The following DOCK3 variants were observed in gnomAD, a reference collection of about 807,000 sequenced individuals.
The protein encoded by DOCK3 is dedicator of cytokinesis 3, also known as dedicator of cytokinesis protein 3.
Under a neutral mutation model 265.6 loss-of-function variants are expected in DOCK3, and 60 were observed. The ratio of observed to expected loss-of-function variants is 0.23; its 90% CI spans 0.18 to 0.28. The LOEUF (loss-of-function observed/expected upper bound fraction) is 0.28. Ranked by LOEUF, DOCK3 falls within the 10% of genes least tolerant of loss-of-function variation. The probability of loss-of-function intolerance (pLI) is 1.00; values close to 1 mark genes in which losing one functional copy is unlikely to be tolerated. For missense variants in DOCK3, 1,981 were observed against 2,594.3 expected (o/e 0.76, Z 5.14); for synonymous variants, 881 against 938.0 (o/e 0.94, Z 1.11).
intron 1 of DOCK3, among the ~76,000 whole-genome samples, chr3:50,701,613 G>A (rs542684677): frequency 2.0e-5 from 3 of 152,014 alleles, no homozygotes; most frequent in Non-Finnish European, 2.9e-5. Flanking sequence ...GTCTATTTTT[G>A]TTTTTGTTGC....
intron 5 of DOCK3, among the ~76,000 whole-genome samples, chr3:51,027,398 A>G (rs564502009): frequency 2.4e-4 from 36 of 151,854 alleles, no homozygotes; most frequent in Admixed American, 7.2e-4. Flanking sequence ...AGTATGTTCT[A>G]TGTATAGATG....
At chr3:51,314,513 A>T (rs780914966) in intron 31 of DOCK3, among the ~76,000 whole-genome samples, 4 of 152,260 alleles carry the variant, frequency 2.6e-5, no homozygotes, top group African/African-American at 4.8e-5. Context: ...TCTGGTGGCT[A>T]GACCAGGGAC....
chr3:51,122,185 A>G (rs904306111), intron 9 of DOCK3, among the ~76,000 whole-genome samples: 2 of 152,228 alleles, frequency 1.3e-5, no homozygotes, highest in Admixed American at 6.5e-5. Context: ...CTAATATCAG[A>G]ATTAAACATT....
chr3:51,249,189 G>A (rs1273124618), intron 22 of DOCK3, among the ~76,000 whole-genome samples: 3 of 138,234 alleles, frequency 2.2e-5, no homozygotes, highest in African/African-American at 8.3e-5. Flanking sequence ...TGCCCCATCC[G>A]GCAGGGAGGT....
chr3:50,719,455 G>T, intron 1 of DOCK3: 1 of 703,246 alleles, frequency 1.4e-6, no homozygotes, highest in South Asian at 1.7e-5. Flanking sequence ...TGGTCTGATG[G>T]TTAAGATAAA....
chr3:51,041,172 A>G lies in DOCK3; in HGVS notation c.316-23276A>G, dbSNP rs900012449. On this transcript the variant is annotated intron_variant, in intron 5 of 52. Coordinates refer to ENST00000266037, the MANE Select transcript of DOCK3 (RefSeq NM_004947.5). Reference sequence around the variant, plus strand: ...ACAGCCTTACAAAATGTATATATATATATATATATATATATATATATATAT... The same window carrying G: ...ACAGCCTTACAAAATGTATATATATGTATATATATATATATATATATATAT... 1.4e-3 allele frequency among the ~76,000 whole-genome samples: 13 copies of G among 9,330 alleles called. 1 individual carries two copies. The East Asian group carries it at 0.016, about 12-fold the overall frequency. 6.1% of individuals were successfully genotyped at this position (9,330 alleles called of 152,430 possible).
chr3:50,988,624 G>A (rs2077991495), intron 5 of DOCK3, among the ~76,000 whole-genome samples: 1 of 152,160 alleles, frequency 6.6e-6, no homozygotes, highest in South Asian at 2.1e-4. Context: ...GCCACCTACA[G>A]GTGCCTTCAG....
chr3:50,844,254 C>T (rs904078130), intron 3 of DOCK3, among the ~76,000 whole-genome samples: 4 of 152,184 alleles, frequency 2.6e-5, no homozygotes, highest in African/African-American at 9.7e-5. Context: ...CTCACTCTGT[C>T]ATCCAGGCTG....
intron 1 of DOCK3, among the ~76,000 whole-genome samples, chr3:50,707,764 C>T (rs1033233371): frequency 6.6e-6 from 1 of 151,776 alleles, no homozygotes; most frequent in Non-Finnish European, 1.5e-5. Context: ...GCCATATGCC[C>T]CTGGGTGGTG....
At chr3:51,257,716 A>T (rs116288802) in intron 22 of DOCK3, among the ~76,000 whole-genome samples, 169 of 152,330 alleles carry the variant, frequency 1.1e-3, no homozygotes, top group African/African-American at 4.0e-3. Context: ...TTATTAACTT[A>T]AACAAAAATG....
chr3:51,070,906 G>A (rs1372708141), intron 6 of DOCK3, among the ~76,000 whole-genome samples: 4 of 152,038 alleles, frequency 2.6e-5, no homozygotes, highest in Non-Finnish European at 4.4e-5. Context: ...AATCTAATGC[G>A]TGATGATCTG....
chr3:51,131,054 A>T (rs1406279300), intron 9 of DOCK3, among the ~76,000 whole-genome samples: 3 of 152,020 alleles, frequency 2.0e-5, no homozygotes, highest in Admixed American at 2.0e-4. Flanking sequence ...GGCCACGCTA[A>T]TGGCTTCCAT....
chr3:50,715,265 A>T lies in DOCK3; in HGVS notation c.37+39965A>T, dbSNP rs916882042. 2.0e-5 allele frequency among the ~76,000 whole-genome samples: 3 copies of T among 152,344 alleles called. No homozygotes were observed. In the South Asian group the frequency reaches 6.2e-4, roughly 32 times the overall value. ...GTTGGGGCTTGAAAAATGAGTAGGTAGGCCAGGCGTGGTGGCGGCTCATGC... is the reference window on the plus strand; with the variant it reads ...GTTGGGGCTTGAAAAATGAGTAGGTTGGCCAGGCGTGGTGGCGGCTCATGC... On this transcript the variant is annotated intron_variant, in intron 1 of 52. Coordinates refer to ENST00000266037, the MANE Select transcript of DOCK3 (RefSeq NM_004947.5).
At chr3:51,241,064 G>A (rs930604127) in intron 21 of DOCK3, among the ~76,000 whole-genome samples, 18 of 152,128 alleles carry the variant, frequency 1.2e-4, no homozygotes, top group African/African-American at 4.1e-4. Context: ...GGCTGGTATT[G>A]GTCTTTTCTT....
chr3:51,335,472 G>A (rs1161289453), intron 35 of DOCK3, among the ~76,000 whole-genome samples: 2 of 152,154 alleles, frequency 1.3e-5, no homozygotes, highest in African/African-American at 4.8e-5. Context: ...ACCTTTCCGT[G>A]CACACATTGA....
intron 23 of DOCK3, among the ~76,000 whole-genome samples, chr3:51,264,351 A>G (rs2080035011): frequency 6.6e-6 from 1 of 152,154 alleles, no homozygotes; most frequent in African/African-American, 2.4e-5. Context: ...CTTTGAAACC[A>G]ATGAGAACAA....
At chr3:50,986,963 A>G (rs1337507840) in intron 5 of DOCK3, among the ~76,000 whole-genome samples, 1 of 151,842 alleles carries the variant, frequency 6.6e-6, no homozygotes, top group Admixed American at 6.6e-5. Context: ...CCACATACTA[A>G]CTCTGTCCGT....
At chr3:51,115,214 C>T (rs887112816) in intron 9 of DOCK3, among the ~76,000 whole-genome samples, 4 of 152,166 alleles carry the variant, frequency 2.6e-5, no homozygotes, top group South Asian at 2.1e-4. Flanking sequence ...CCTGAGGAAT[C>T]GCCACACTGT....
chr3:51,169,226 C>G (rs1370924104), intron 12 of DOCK3, among the ~76,000 whole-genome samples: 3 of 152,170 alleles, frequency 2.0e-5, no homozygotes, highest in African/African-American at 7.2e-5. Context: ...CCCAGCAATT[C>G]CATTACTGGA....
Sources: gnomAD v4.1 joint callset for allele counts (sites outside exome capture counted in the v4.1 genomes callset) on GRCh38, gnomAD v4.1.1 for gene constraint, MANE v1.5 for transcripts, NCBI Gene and HGNC (gene_info 2026-07-23, HGNC 2026-07-21) for gene names.